Variants in NAE1 observed in about 807,000 individuals in gnomAD.
NAE1 encodes NEDD8-activating enzyme E1 regulatory subunit.
NAE1 carries 59 observed loss-of-function variants against 88.0 expected under a neutral mutation model. The observed-to-expected ratio is 0.67, with a 90% confidence interval of 0.54 to 0.83. NAE1 has a LOEUF of 0.83. NAE1 is among the 40% of genes least tolerant of loss of function. The pLI, the probability that NAE1 is intolerant of heterozygous loss-of-function variation, is 0.00. For synonymous variants in NAE1, 186 were observed against 208.9 expected (o/e 0.89, Z 0.95); for missense variants, 554 against 632.8 (o/e 0.88, Z 1.34).
Position 66,830,862 on chromosome 16 carries a change from T to G in NAE1, c.38A>C (p.Tyr13Ser). 1 of 1,530,798 alleles carries G rather than the reference T, an allele frequency of 6.5e-7. No individual in the cohort carries two copies. Among genetic ancestry groups the G allele is most frequent in the Non-Finnish European group, 8.7e-7 (1 of 1,147,814 alleles). 94.8% of individuals were successfully genotyped at this position (1,530,798 alleles called of 1,614,324 possible). The change falls in exon 1 of 20, where the codon TAC (tyrosine) becomes TCC (serine). Residue 13 changes from tyrosine to serine, a missense_variant. Transcript: ENST00000290810. ...QLGKLLKEQK[Y>S]DRQLRLWGDH... ...CTCGGCTCACCTCAGCTGCCGGTCGTACTTCTGCTCCTTGAGCAGCTTTCC... is the reference window on the plus strand; with the variant it reads ...CTCGGCTCACCTCAGCTGCCGGTCGGACTTCTGCTCCTTGAGCAGCTTTCC...
rs1017794247 is a variant in NAE1, at chr16:66,813,707, T to C, written c.901-10A>G. On this transcript the variant is annotated splice_polypyrimidine_tract_variant and intron_variant, in intron 12 of 19. Coordinates refer to ENST00000290810, the MANE Select transcript of NAE1 (RefSeq NM_003905.4). ...TCCAAAATGATGGAGTCTAAAAGAA[T>C]AAGAAAAAATTAACATTAAGTGGCG... 4 of 1,610,714 alleles carry C rather than the reference T, an allele frequency of 2.5e-6. No homozygotes were observed. The highest frequency in any genetic ancestry group is 3.4e-6 in the Non-Finnish European group (4 of 1,178,460).
At chr16:66,810,525 G>GAA in intron 14 of NAE1, 112 bp from the exon 15 acceptor site, 1 of 1,141,990 alleles carries the variant, frequency 8.8e-7, no homozygotes, top group Non-Finnish European at 1.3e-6. Context: ...AGAGCTGGGA[G>GAA]AGCACTTTAA....
At chr16:66,821,306 A>C in intron 7 of NAE1, 144 bp downstream of exon 7, 1 of 1,060,400 alleles carries the variant, frequency 9.4e-7, no homozygotes, top group African/African-American at 1.6e-5. Flanking sequence ...AGCCTATTGA[A>C]TCTGATTGCC....
At chr16:66,810,205 A>G (rs968557991) in intron 15 of NAE1, among the ~76,000 whole-genome samples, 169 bp downstream of exon 15, 12 of 152,218 alleles carry the variant, frequency 7.9e-5, no homozygotes, top group South Asian at 2.1e-4. Context: ...AATACTCGCC[A>G]TGTATTGTAT....
At chr16:66,814,425 T>C (rs959402157) in intron 11 of NAE1, among the ~76,000 whole-genome samples, 4 of 151,794 alleles carry the variant, frequency 2.6e-5, no homozygotes, top group East Asian at 1.9e-4. Flanking sequence ...ACCCCGTCTA[T>C]AGAAAACATA....
intron 7 of NAE1, 61 bp from the exon 8 acceptor site, chr16:66,818,698 G>T: frequency 6.6e-7 from 1 of 1,516,622 alleles, no homozygotes; most frequent in Non-Finnish European, 8.8e-7. Flanking sequence ...AGAGAGAGAT[G>T]GGGTCTTGCT....
At chr16:66,810,864 G>T in intron 13 of NAE1, 92 bp from the exon 14 acceptor site, 1 of 1,094,732 alleles carries the variant, frequency 9.1e-7, no homozygotes, top group African/African-American at 1.6e-5. Flanking sequence ...TCCTTTTCAT[G>T]AAAAAACACA....
chr16:66,829,429 C>A (rs1035665714), intron 1 of NAE1, among the ~76,000 whole-genome samples: 1 of 152,204 alleles, frequency 6.6e-6, no homozygotes, highest in African/African-American at 2.4e-5. Flanking sequence ...TAGTTTACAT[C>A]CTGGCTCAAA....
chr16:66,810,760 T>A lies in NAE1; in HGVS notation c.1047A>T (p.Lys349Asn). 6.2e-7 allele frequency: 1 copy of A among 1,614,046 alleles called. No individual in the cohort carries two copies. Residue 349 changes from lysine to asparagine, a missense_variant, in exon 14 of 20, where the codon AAA (lysine) becomes AAT (asparagine). Transcript: ENST00000290810. Reference protein sequence around the residue: ...YIKLQNVYREKAKKDAAAVGN... With the variant: ...YIKLQNVYRENAKKDAAAVGN... Reference sequence around the variant, plus strand: ...CCACAGCGGCAGCATCTTTCTTTGCTTTTTCACGGTAACTAAAAAAGAATA... The same window carrying A: ...CCACAGCGGCAGCATCTTTCTTTGCATTTTCACGGTAACTAAAAAAGAATA...
At chr16:66,814,849 A>C (rs1342449758) in intron 11 of NAE1, among the ~76,000 whole-genome samples, 1 of 152,120 alleles carries the variant, frequency 6.6e-6, no homozygotes, top group African/African-American at 2.4e-5. Flanking sequence ...CTGCCTCTCC[A>C]AACTCAAATC....
chr16:66,810,897 G>T, intron 13 of NAE1, 125 bp from the exon 14 acceptor site: 2 of 763,040 alleles, frequency 2.6e-6, no homozygotes, highest in Non-Finnish European at 4.3e-6. Flanking sequence ...TATGAAATGT[G>T]AAAATGCCAG....
chr16:66,817,337 A>G (rs1178226609), intron 9 of NAE1, 88 bp downstream of exon 9: 2 of 1,139,416 alleles, frequency 1.8e-6, no homozygotes, highest in African/African-American at 1.5e-5. Flanking sequence ...AGGAAAAAAA[A>G]TTAATCTCCC....
chr16:66,810,823 T>G (rs1309309142), intron 13 of NAE1, 51 bp from the exon 14 acceptor site: 1 of 1,539,616 alleles, frequency 6.5e-7, no homozygotes, highest in Non-Finnish European at 8.9e-7. Flanking sequence ...TTAGCAAAAT[T>G]TAAATTGTTA....
intron 6 of NAE1, among the ~76,000 whole-genome samples, chr16:66,822,754 C>G (rs1297956662): frequency 6.7e-6 from 1 of 149,124 alleles, no homozygotes; most frequent in Non-Finnish European, 1.5e-5. Context: ...ACTGCAACCT[C>G]CACCTCCCTG....
chr16:66,807,035 T>C (rs933133442), intron 17 of NAE1, among the ~76,000 whole-genome samples: 5 of 152,148 alleles, frequency 3.3e-5, no homozygotes, highest in African/African-American at 1.2e-4. Context: ...CCGCCAGCTA[T>C]TCCCACTGTT....
intron 11 of NAE1, among the ~76,000 whole-genome samples, chr16:66,816,344 T>C (rs915437978): frequency 6.6e-6 from 1 of 152,068 alleles, no homozygotes; most frequent in Non-Finnish European, 1.5e-5. Flanking sequence ...TTTGTATTTT[T>C]AGTAGAGACG....
Position 66,826,755 on chromosome 16 carries a change from C to A in NAE1, c.79G>T (p.Ala27Ser), listed in dbSNP as rs764578610. The A allele has an allele frequency of 1.2e-6, 2 of 1,613,736 alleles. No individual in the cohort carries two copies. The highest frequency in any genetic ancestry group is 1.1e-5 in the South Asian group (1 of 90,984). Residue 27 changes from alanine (A) to serine (S), a missense_variant, in exon 2 of 20, where the codon GCT becomes TCT. Ala to Ser is a moderately conservative substitution (Grantham distance 99). Transcript: ENST00000290810. ...AGGCAAACATGAGCAGATTCTAAAG[C>A]CTCTTGCCCATGATCACCCCACAAC... Reference protein sequence around the residue: ...LRLWGDHGQEALESAHVCLIN... With the variant: ...LRLWGDHGQESLESAHVCLIN...
intron 19 of NAE1, among the ~76,000 whole-genome samples, chr16:66,804,190 G>A (rs1394083943): frequency 6.6e-6 from 1 of 151,246 alleles, no homozygotes; most frequent in Non-Finnish European, 1.5e-5. Context: ...AGGAAGTGAA[G>A]GGATATAATG....
rs1959552336 is a variant in NAE1 at position 66,806,132 on chromosome 16, ACT to A, written c.1331-108_1331-107del. ...ATGTTCTAGTCAAAATATGTATGAAACTGAAGAACAAAAATAACAAAGTATGA... is the reference window on the plus strand; with the variant it reads ...ATGTTCTAGTCAAAATATGTATGAAAGAAGAACAAAAATAACAAAGTATGA... On this transcript the variant is annotated intron_variant, in intron 17 of 19. Coordinates refer to ENST00000290810, the MANE Select transcript of NAE1 (RefSeq NM_003905.4). 3.9e-6 allele frequency: 5 copies of A among 1,283,102 alleles called. No homozygotes were observed. In the South Asian group the frequency reaches 6.8e-5, roughly 17 times the overall value. The allele number at this position is 1,283,102 out of a possible 1,614,324, so 79.5% of individuals were successfully genotyped here.
Sources: gnomAD v4.1 joint callset for allele counts (sites outside exome capture counted in the v4.1 genomes callset) on GRCh38, gnomAD v4.1.1 for gene constraint, MANE v1.5 for transcripts, NCBI Gene and HGNC (gene_info 2026-07-23, HGNC 2026-07-21) for gene names.